The following COL4A3 variants were observed in gnomAD, a reference collection of about 807,000 sequenced individuals.
The protein encoded by COL4A3 is collagen type IV alpha 3 chain, also known as collagen alpha-3(IV) chain.
In COL4A3, 135 loss-of-function variants were observed where a neutral mutation model predicts 217.4. That is an observed-to-expected ratio of 0.62 (90% confidence interval 0.54 to 0.72). The LOEUF (loss-of-function observed/expected upper bound fraction) is 0.72. Ranked by LOEUF, COL4A3 falls within the 30% of genes least tolerant of loss-of-function variation. The pLI is 0.00. For synonymous variants in COL4A3, 690 were observed against 736.3 expected (o/e 0.94, Z 1.02); for missense variants, 1,868 against 2,119.9 (o/e 0.88, Z 2.33).
Position 227,282,309 on chromosome 2 carries a change from G to A in COL4A3, c.2489-56G>A, listed in dbSNP as rs1321023900. ...ATATATATATATATATATTTCTGAA[G>A]TTAGTAGGGGAAAGCATTTGTGGGT... On this transcript the variant is annotated intron_variant, in intron 31 of 51. Transcript: ENST00000396578. This position sits in a 1 kb window ranked among gnomAD's most constrained non-coding sequence, Gnocchi z 4.4. 9.1e-7 allele frequency: 1 copy of A among 1,096,260 alleles called. No individual in the cohort carries two copies. The highest frequency in any genetic ancestry group is 1.8e-5 in the African/African-American group (1 of 55,130). 67.9% of individuals were successfully genotyped at this position (1,096,260 alleles called of 1,614,324 possible).
In COL4A3 at chr2:227,246,702, A is replaced by G. The variant is rs1574675832; in HGVS notation, c.405A>G (p.Pro135=). The change falls in exon 7 of 52, where the codon CCA becomes CCG. Residue 135 remains proline, a synonymous_variant. Coordinates refer to ENST00000396578, the MANE Select transcript of COL4A3 (RefSeq NM_000091.5). The part of the protein sequence containing the change: ...CSGSKGEQGF[P]GLPGTLGYPG... ...TCTTTTAGGGTGAGCAGGGGTTTCC[A>G]GGACTCCCAGGGACACTGGGCTACC... 4 of 1,612,608 alleles carry G rather than the reference A, an allele frequency of 2.5e-6. No homozygotes were observed. The African/African-American group carries it at 4.0e-5, about 16-fold the overall frequency.
At chr2:227,170,088 C>T (rs183472913) in intron 1 of COL4A3, among the ~76,000 whole-genome samples, 1 of 152,116 alleles carries the variant, frequency 6.6e-6, no homozygotes, top group African/African-American at 2.4e-5. Flanking sequence ...TGGTATTGCA[C>T]TGAACATATA....
At chr2:227,177,958 T>C (rs1222187580) in intron 1 of COL4A3, among the ~76,000 whole-genome samples, 1 of 152,128 alleles carries the variant, frequency 6.6e-6, no homozygotes. Flanking sequence ...AGCCATAAAG[T>C]GCATCCTTTA....
At position 227,298,769 on chromosome 2, in the gene COL4A3, G is replaced by A. The variant is rs2073147931; in HGVS notation, c.3839G>A (p.Gly1280Asp). 6.2e-7 allele frequency: 1 copy of A among 1,613,898 alleles called. No homozygotes were observed. The highest frequency in any genetic ancestry group is 1.3e-5 in the African/African-American group (1 of 74,890). ...KGSMGHPGPKGPPGTAGDMGP... is the reference protein window; with the variant it reads ...KGSMGHPGPKDPPGTAGDMGP... ...TCTATGGGCCACCCTGGCCCAAAAG[G>A]TCCACCTGGAACTGCAGGAGACATG... Residue 1280 changes from glycine (G) to aspartate (D), a missense_variant, in exon 43 of 52, where the codon GGT becomes GAT. Coordinates refer to ENST00000396578, the MANE Select transcript of COL4A3 (RefSeq NM_000091.5).
In COL4A3 at chr2:227,271,691, C is replaced by T. The variant is rs566752894; in HGVS notation, c.1758+739C>T. On this transcript the variant is annotated intron_variant, in intron 25 of 51. Transcript: ENST00000396578. ...TTCACCATGTTGGCCAGGCTGGTCTCGAACTCCTGACCTCAGGTGATCCAC... is the reference window on the plus strand; with the variant it reads ...TTCACCATGTTGGCCAGGCTGGTCTTGAACTCCTGACCTCAGGTGATCCAC... Among the ~76,000 whole-genome samples the T allele has an allele frequency of 2.0e-4, 31 of 152,076 alleles. No individual in the cohort carries two copies. The South Asian group carries it at 5.8e-3, about 29-fold the overall frequency.
rs757610419 is a variant in COL4A3, at chr2:227,253,459, C to T, written c.688-102C>T. The T allele has an allele frequency of 1.4e-5, 19 of 1,399,374 alleles. No individual in the cohort carries two copies. Among genetic ancestry groups the T allele is most frequent in the African/African-American group, 2.8e-5 (2 of 70,598 alleles). The allele number at this position is 1,399,374 out of a possible 1,614,324, so 86.7% of individuals were successfully genotyped here. On this transcript the variant is annotated intron_variant, in intron 12 of 51. Transcript: ENST00000396578. The surrounding 1 kb of genome is among the most constrained non-coding windows in gnomAD (Gnocchi z 4.4). ...TGGGCCTTCATTTGTTCTATCTTCC[C>T]GTATAAGCACTAAAGGGGAAAAGTA...
At chr2:227,217,735 T>C (rs1240244103) in intron 1 of COL4A3, among the ~76,000 whole-genome samples, 1 of 152,216 alleles carries the variant, frequency 6.6e-6, no homozygotes, top group Non-Finnish European at 1.5e-5. Flanking sequence ...AGCAACTGAA[T>C]TCAGTAGTAA....
rs1204051996 is a variant in COL4A3, at chr2:227,218,430, C to T, written c.88-19538C>T. ...GCAGTGAGTGGAGATTGTGCCACTGCACTCCAGCCTGGGTGAGGGAGCAAG... is the reference window on the plus strand; with the variant it reads ...GCAGTGAGTGGAGATTGTGCCACTGTACTCCAGCCTGGGTGAGGGAGCAAG... On this transcript the variant is annotated intron_variant, in intron 1 of 51. Transcript: ENST00000396578. 2.0e-5 allele frequency among the ~76,000 whole-genome samples: 3 copies of T among 152,040 alleles called. 1 individual carries two copies. Among genetic ancestry groups the T allele is most frequent in the Non-Finnish European group, 4.4e-5 (3 of 68,018 alleles).
rs79573480 is a variant in COL4A3, at chr2:227,282,347, T to A, written c.2489-18T>A. Reference sequence around the variant, plus strand: ...AGCATTTGTGGGTTAATTAATTCATTCATTTATTCGTACACAGGCAGAAGA... The same window carrying A: ...AGCATTTGTGGGTTAATTAATTCATACATTTATTCGTACACAGGCAGAAGA... On this transcript the variant is annotated intron_variant, in intron 31 of 51. Coordinates refer to ENST00000396578, the MANE Select transcript of COL4A3 (RefSeq NM_000091.5). This position sits in a 1 kb window ranked among gnomAD's most constrained non-coding sequence, Gnocchi z 4.4. The A allele has an allele frequency of 6.6e-4, 1,066 of 1,603,532 alleles. 11 individuals are homozygous for A. The East Asian group carries it at 0.022, about 33-fold the overall frequency.
chr2:227,253,367 G>C lies in COL4A3; in HGVS notation c.687+30G>C. 1.2e-6 allele frequency: 2 copies of C among 1,609,376 alleles called. No individual in the cohort carries two copies. The highest frequency in any genetic ancestry group is 1.7e-6 in the Non-Finnish European group (2 of 1,175,722). ...TTTAAATACTATGTTTTATTAGCAG[G>C]CGAGATATTTTATGTCCCAGAGCAT... On this transcript the variant is annotated intron_variant, in intron 12 of 51. Coordinates refer to ENST00000396578, the MANE Select transcript of COL4A3 (RefSeq NM_000091.5). This position sits in a 1 kb window ranked among gnomAD's most constrained non-coding sequence, Gnocchi z 4.4.
chr2:227,170,886 A>C (rs2065451567), intron 1 of COL4A3, among the ~76,000 whole-genome samples: 1 of 152,188 alleles, frequency 6.6e-6, no homozygotes, highest in Non-Finnish European at 1.5e-5. Context: ...TCATTTATTT[A>C]GTCTGTATCT....
At chr2:227,220,136 ATGTGTG>A (rs35199710) in intron 1 of COL4A3, among the ~76,000 whole-genome samples, 9 of 127,084 alleles carry the variant, frequency 7.1e-5, no homozygotes, top group South Asian at 2.5e-4. Context: ...AGGCGGTTTT[ATGTGTG>A]TGTGTGTGTG....
At chr2:227,260,143 G>A (rs1430003972) in intron 19 of COL4A3, 10 of 616,750 alleles carry the variant, frequency 1.6e-5, no homozygotes, top group Non-Finnish European at 2.4e-5. Flanking sequence ...TGGAGGGCAG[G>A]AGGAGGGAGT....
chr2:227,249,230 A>ATATATATTTTTTT, intron 9 of COL4A3, among the ~76,000 whole-genome samples: 6 of 14,694 alleles, frequency 4.1e-4, no homozygotes, highest in African/African-American at 8.0e-4. Context: ...ATATATATAT[A>ATATATATTTTTTT]TTTTTTTTTT....
At chr2:227,222,165 TGATAATGATAATAA>T (rs771211400) in intron 1 of COL4A3, among the ~76,000 whole-genome samples, 157 of 67,958 alleles carry the variant, frequency 2.3e-3, no homozygotes, top group South Asian at 0.011. Context: ...ATAATAATAA[TGATAATGATAATAA>T]AAAGCTCCTT....
chr2:227,279,267 T>C (rs1413444043), intron 28 of COL4A3, among the ~76,000 whole-genome samples: 2 of 151,840 alleles, frequency 1.3e-5, no homozygotes, highest in Admixed American at 6.6e-5. Flanking sequence ...TTGTTTTTTT[T>C]GTTGTTGTTG....
rs536208906 is a variant in COL4A3 at position 227,223,714 on chromosome 2, A to G, written c.88-14254A>G. Among the ~76,000 whole-genome samples, 15 of 152,198 alleles carry G rather than the reference A, an allele frequency of 9.9e-5. 1 individual carries two copies. In the South Asian group the frequency reaches 3.1e-3, roughly 32 times the overall value. ...ATGCCACTGCACGCCAACCTGGGTG[A>G]CAGAATGAGACTCTGTCTCAAATAA... On this transcript the variant is annotated intron_variant, in intron 1 of 51. Transcript: ENST00000396578.
intron 29 of COL4A3, 118 bp downstream of exon 29, chr2:227,280,008 T>G (rs2071852872): frequency 3.0e-6 from 2 of 673,196 alleles, no homozygotes; most frequent in Admixed American, 3.1e-5. Flanking sequence ...TATTTGTAGA[T>G]GATGAAGATA....
At chr2:227,251,808 C>A (rs1353814163) in intron 11 of COL4A3, among the ~76,000 whole-genome samples, 2 of 152,144 alleles carry the variant, frequency 1.3e-5, no homozygotes, top group African/African-American at 4.8e-5. Flanking sequence ...TTGGTTCACA[C>A]CTGTAAGCCC....
Sources: gnomAD v4.1 joint callset for allele counts (sites outside exome capture counted in the v4.1 genomes callset) on GRCh38, gnomAD v4.1.1 for gene constraint, Gnocchi (gnomAD v3.1) non-coding constraint, MANE v1.5 for transcripts, NCBI Gene and HGNC (gene_info 2026-07-23, HGNC 2026-07-21) for gene names.